Variants in GALNT16 observed in about 807,000 individuals in gnomAD.
GALNT16 encodes UDP-GalNAc:polypeptide N-acetylgalactosaminyltransferase-like protein 1.
In GALNT16, 40 loss-of-function variants were observed where a neutral mutation model predicts 76.1. That is an observed-to-expected ratio of 0.53 (90% CI 0.41 to 0.68). The LOEUF (loss-of-function observed/expected upper bound fraction) is 0.68, where lower values mean the gene tolerates loss of function less well. GALNT16 is among the 30% of genes least tolerant of loss of function. The pLI is 0.00. For missense variants in GALNT16, 621 were observed against 731.9 expected (o/e 0.85, Z 1.75); for synonymous variants, 276 against 285.2 (o/e 0.97, Z 0.32).
Position 69,352,572 on chromosome 14 carries a change from G to T in GALNT16, c.*404G>T. The T allele has an allele frequency of 6.3e-6, 1 of 159,312 alleles. No homozygotes were observed. Among genetic ancestry groups the T allele is most frequent in the East Asian group, 1.8e-4 (1 of 5,514 alleles). The allele number at this position is 159,312 out of a possible 1,614,324, so 9.9% of individuals were successfully genotyped here. ...CTTTTGGGTCATGAGGCCCAGCTGT[G>T]CAGGCAGGCAGGGCCAGGGGAAATT... On this transcript the variant is annotated 3_prime_UTR_variant, in exon 15 of 15. Coordinates refer to ENST00000448469, the MANE Select transcript of GALNT16 (RefSeq NM_001168368.2).
At chr14:69,291,765 C>T (rs1374525555) in intron 1 of GALNT16, among the ~76,000 whole-genome samples, 1 of 152,216 alleles carries the variant, frequency 6.6e-6, no homozygotes, top group African/African-American at 2.4e-5. Context: ...TGACTTCCCC[C>T]ATTTCTTCAT....
Position 69,347,026 on chromosome 14 carries a change from G to C in GALNT16, c.1272-14G>C. The C allele has an allele frequency of 6.2e-7, 1 of 1,614,054 alleles. No individual in the cohort carries two copies. Among genetic ancestry groups the C allele is most frequent in the South Asian group, 1.1e-5 (1 of 91,076 alleles). ...GGGGGAAAGCACAAGCCTGACTGCTGCCTTTTCTCTCAGGGTCCCCGTGAA... is the reference window on the plus strand; with the variant it reads ...GGGGGAAAGCACAAGCCTGACTGCTCCCTTTTCTCTCAGGGTCCCCGTGAA... On this transcript the variant is annotated splice_polypyrimidine_tract_variant and intron_variant, in intron 12 of 14. Coordinates refer to ENST00000448469, the MANE Select transcript of GALNT16 (RefSeq NM_001168368.2).
the GALNT16 span, among the ~76,000 whole-genome samples, chr14:69,372,127 C>T: frequency 6.6e-6 from 1 of 152,024 alleles, no homozygotes; most frequent in Non-Finnish European, 1.5e-5. Flanking sequence ...CATCCCTGTG[C>T]AGGAGTGGCC....
rs766188989 is a variant in GALNT16 at position 69,322,925 on chromosome 14, GGTGTGTGTGTGTGTGTGTGT to G, written c.336-1729_336-1710del. Among the ~76,000 whole-genome samples the G allele has an allele frequency of 5.5e-3, 573 of 103,856 alleles. 12 individuals are homozygous for G. Among genetic ancestry groups the G allele is most frequent in the African/African-American group, 0.02 (513 of 25,596 alleles). 68.1% of individuals were successfully genotyped at this position (103,856 alleles called of 152,430 possible). ...AAAAGAAAGCTGAGGTGGCTCACGG[GGTGTGTGTGTGTGTGTGTGT>G]GTGTGTGTGTGTGTGTGTGTGTGTG... On this transcript the variant is annotated intron_variant, in intron 2 of 14. Coordinates refer to ENST00000448469, the MANE Select transcript of GALNT16 (RefSeq NM_001168368.2).
At chr14:69,362,577 C>A in the GALNT16 span, among the ~76,000 whole-genome samples, 4 of 152,260 alleles carry the variant, frequency 2.6e-5, no homozygotes, top group East Asian at 7.7e-4. Flanking sequence ...TCTGGCCCAG[C>A]TATTTCTGAG....
intron 1 of GALNT16, among the ~76,000 whole-genome samples, chr14:69,280,771 G>T (rs1191535452): frequency 1.3e-5 from 2 of 152,046 alleles, no homozygotes; most frequent in Non-Finnish European, 2.9e-5. Flanking sequence ...GGCAGATTGG[G>T]GGAACATCCA....
intron 4 of GALNT16, among the ~76,000 whole-genome samples, chr14:69,325,715 C>G (rs923037077): frequency 1.3e-5 from 2 of 152,208 alleles, no homozygotes; most frequent in African/African-American, 4.8e-5. Context: ...TGGTAGCCAC[C>G]CCCAAGCGTG....
chr14:69,274,543 A>G (rs959263322), intron 1 of GALNT16, among the ~76,000 whole-genome samples: 13 of 152,234 alleles, frequency 8.5e-5, no homozygotes, highest in African/African-American at 2.6e-4. Flanking sequence ...AAAAGACCTC[A>G]GTTCTCCACG....
chr14:69,384,533 G>GGA, the GALNT16 span, among the ~76,000 whole-genome samples: 2 of 152,090 alleles, frequency 1.3e-5, no homozygotes, highest in Non-Finnish European at 2.9e-5. Flanking sequence ...CCACTTACTG[G>GGA]GAGTAAGTAT....
At chr14:69,281,673 G>A (rs1263246316) in intron 1 of GALNT16, among the ~76,000 whole-genome samples, 2 of 152,130 alleles carry the variant, frequency 1.3e-5, no homozygotes, top group East Asian at 1.9e-4. Context: ...GGCTTCATGT[G>A]CTCACGTGAC....
At chr14:69,275,237 C>G (rs554724749) in intron 1 of GALNT16, among the ~76,000 whole-genome samples, 1 of 152,218 alleles carries the variant, frequency 6.6e-6, no homozygotes, top group Non-Finnish European at 1.5e-5. Context: ...CTTAGCCTCT[C>G]CAAAGTAGAA....
At chr14:69,362,065 T>C in the GALNT16 span, among the ~76,000 whole-genome samples, 1 of 152,160 alleles carries the variant, frequency 6.6e-6, no homozygotes, top group African/African-American at 2.4e-5. Flanking sequence ...CAGGACATGG[T>C]AGATCCAAGA....
chr14:69,316,774 T>TG (rs765892301), intron 1 of GALNT16, among the ~76,000 whole-genome samples: 8,924 of 41,046 alleles, frequency 0.22, 467 homozygotes, highest in African/African-American at 0.35. Context: ...TTGTAGTCTG[T>TG]GAGGGGGGGG....
intron 6 of GALNT16, among the ~76,000 whole-genome samples, chr14:69,330,752 A>C (rs928105620): frequency 6.6e-6 from 1 of 152,206 alleles, no homozygotes; most frequent in Non-Finnish European, 1.5e-5. Context: ...GGAGGGCGAA[A>C]GATGAGAAGG....
At chr14:69,368,880 A>ATGACAC in the GALNT16 span, among the ~76,000 whole-genome samples, 1 of 152,290 alleles carries the variant, frequency 6.6e-6, no homozygotes, top group Middle Eastern at 3.4e-3. Context: ...TGTGATGGGA[A>ATGACAC]TGACACTAAC....
downstream of GALNT16, among the ~76,000 whole-genome samples, chr14:69,359,527 T>C (rs1162186227): frequency 1.3e-5 from 2 of 152,166 alleles, no homozygotes; most frequent in African/African-American, 4.8e-5. Flanking sequence ...GATTGAGCAC[T>C]TTCTGGGTAC....
chr14:69,287,574 A>G (rs1463322394), intron 1 of GALNT16, among the ~76,000 whole-genome samples: 1 of 152,142 alleles, frequency 6.6e-6, no homozygotes, highest in Non-Finnish European at 1.5e-5. Flanking sequence ...CCTCCCTTAC[A>G]CGTCTCTGGA....
intron 1 of GALNT16, among the ~76,000 whole-genome samples, chr14:69,268,560 A>G (rs182749148): frequency 1.4e-4 from 22 of 152,308 alleles, no homozygotes; most frequent in Admixed American, 1.0e-3. Flanking sequence ...GGCAGCATCT[A>G]TTCATTCTCT....
rs200098319 is a variant in GALNT16 at position 69,322,922 on chromosome 14, CGG to C, written c.336-1767_336-1766del. 6.8e-3 allele frequency among the ~76,000 whole-genome samples: 787 copies of C among 115,858 alleles called. 8 individuals are homozygous for C. Among genetic ancestry groups the C allele is most frequent in the African/African-American group, 0.023 (727 of 31,856 alleles). 76.0% of individuals were successfully genotyped at this position (115,858 alleles called of 152,430 possible). A position where few individuals can be genotyped will look rare whatever the true frequency, so the allele number is the denominator to read the frequency against. ...GAAAAAAGAAAGCTGAGGTGGCTCA[CGG>C]GGTGTGTGTGTGTGTGTGTGTGTGT... is the stretch of plus-strand genomic sequence containing the variant. On this transcript the variant is annotated intron_variant, in intron 2 of 14. Transcript: ENST00000448469.
Sources: gnomAD v4.1 joint callset for allele counts (sites outside exome capture counted in the v4.1 genomes callset) on GRCh38, gnomAD v4.1.1 for gene constraint, MANE v1.5 for transcripts, NCBI Gene and HGNC (gene_info 2026-07-23, HGNC 2026-07-21) for gene names.